Variants in SPMAP2L observed in about 807,000 individuals in gnomAD.
SPMAP2L encodes the protein sperm microtubule associated protein 2-like.
chr4:56,546,339 T>C, the SPMAP2L span, among the ~76,000 whole-genome samples: 1 of 152,206 alleles, frequency 6.6e-6, no homozygotes, highest in Non-Finnish European at 1.5e-5. Flanking sequence ...CCGGGAACTC[T>C]GATTCCAGAG....
the SPMAP2L span, among the ~76,000 whole-genome samples, chr4:56,570,962 C>T: frequency 6.6e-6 from 1 of 151,956 alleles, no homozygotes; most frequent in Non-Finnish European, 1.5e-5. Context: ...TGCTACCACA[C>T]CCCGTTAACT....
chr4:56,587,978 C>T, the SPMAP2L span, among the ~76,000 whole-genome samples: 1 of 152,164 alleles, frequency 6.6e-6, no homozygotes, highest in Non-Finnish European at 1.5e-5. Flanking sequence ...ACACCAACAT[C>T]TACTGTTTTC....
the SPMAP2L span, among the ~76,000 whole-genome samples, chr4:56,619,742 G>T: frequency 1.3e-5 from 2 of 152,156 alleles, no homozygotes; most frequent in Admixed American, 1.3e-4. Flanking sequence ...GAACTAAAAA[G>T]CTTCTGCAGA....
At chr4:56,603,913 C>CA in the SPMAP2L span, among the ~76,000 whole-genome samples, 1 of 152,312 alleles carries the variant, frequency 6.6e-6, no homozygotes, top group East Asian at 1.9e-4. Flanking sequence ...TTCCTTTACT[C>CA]ATGCCAGAGT....
chr4:56,599,359 G>T, the SPMAP2L span, among the ~76,000 whole-genome samples: 1 of 151,600 alleles, frequency 6.6e-6, no homozygotes, highest in African/African-American at 2.4e-5. Flanking sequence ...AATTTTTTTT[G>T]CTCAAAATTA....
At chr4:56,545,021 C>T in the SPMAP2L span, among the ~76,000 whole-genome samples, 1 of 152,226 alleles carries the variant, frequency 6.6e-6, no homozygotes, top group Non-Finnish European at 1.5e-5. Context: ...CCGCCCGGCG[C>T]AGCTGTGTCA....
the SPMAP2L span, chr4:56,530,612 C>G: frequency 6.7e-7 from 1 of 1,493,068 alleles, no homozygotes; most frequent in Non-Finnish European, 8.9e-7. Flanking sequence ...GCGCAGAGAG[C>G]AAACTGCGCC....
the SPMAP2L span, among the ~76,000 whole-genome samples, chr4:56,613,954 C>G: frequency 2.0e-5 from 3 of 152,282 alleles, no homozygotes; most frequent in South Asian, 6.2e-4. Context: ...GCTGGCTCCT[C>G]AAGGCACCAC....
chr4:56,595,013 T>C, the SPMAP2L span: 1 of 1,607,880 alleles, frequency 6.2e-7, no homozygotes, highest in Non-Finnish European at 8.5e-7. Flanking sequence ...CATCCCATCA[T>C]TTCACTAAAG....
chr4:56,545,749 C>A, the SPMAP2L span, among the ~76,000 whole-genome samples: 13 of 150,628 alleles, frequency 8.6e-5, no homozygotes, highest in Non-Finnish European at 1.9e-4. Flanking sequence ...CAGTTGGAAC[C>A]CTTAATAGTA....
At chr4:56,617,671 G>A in the SPMAP2L span, among the ~76,000 whole-genome samples, 2 of 152,028 alleles carry the variant, frequency 1.3e-5, no homozygotes, top group Admixed American at 6.5e-5. Context: ...AACATAGGCG[G>A]CTTGTGTTAA....
chr4:56,606,798 A>G, the SPMAP2L span, among the ~76,000 whole-genome samples: 2 of 152,204 alleles, frequency 1.3e-5, no homozygotes, highest in African/African-American at 2.4e-5. Context: ...GAAGTAATTT[A>G]AGCATGGGGT....
chr4:56,609,093 G>A, the SPMAP2L span, among the ~76,000 whole-genome samples: 104 of 142,474 alleles, frequency 7.3e-4, no homozygotes, highest in African/African-American at 2.3e-3. Context: ...TCTGTCACCC[G>A]GACTGGAGTG....
the SPMAP2L span, among the ~76,000 whole-genome samples, chr4:56,607,861 G>A: frequency 6.6e-6 from 1 of 152,016 alleles, no homozygotes; most frequent in East Asian, 1.9e-4. Flanking sequence ...GCCAAGCATG[G>A]TGGTGCTTGC....
chr4:56,594,109 G>A, the SPMAP2L span: 5 of 1,607,340 alleles, frequency 3.1e-6, no homozygotes, highest in South Asian at 1.1e-5. Flanking sequence ...TGGACGATTT[G>A]TTGCGGATCT....
At chr4:56,614,229 T>C in the SPMAP2L span, among the ~76,000 whole-genome samples, 1 of 152,206 alleles carries the variant, frequency 6.6e-6, no homozygotes, top group Non-Finnish European at 1.5e-5. Context: ...ACTTTCAGGA[T>C]AGTAACAATA....
the SPMAP2L span, among the ~76,000 whole-genome samples, chr4:56,598,157 C>T: frequency 1.3e-5 from 2 of 152,334 alleles, no homozygotes; most frequent in African/African-American, 4.8e-5. Flanking sequence ...GCCATCATGG[C>T]TAGCCCCACT....
At chr4:56,532,405 T>C in the SPMAP2L span, among the ~76,000 whole-genome samples, 1 of 151,676 alleles carries the variant, frequency 6.6e-6, no homozygotes, top group Non-Finnish European at 1.5e-5. Flanking sequence ...CCTTCACTTA[T>C]GCTTTAGATA....
chr4:56,590,711 T>C, the SPMAP2L span, among the ~76,000 whole-genome samples: 1 of 152,220 alleles, frequency 6.6e-6, no homozygotes, highest in Non-Finnish European at 1.5e-5. Flanking sequence ...CATACTATAA[T>C]TGACTAAGAA....
Sources: allele counts gnomAD v4.1 joint callset (sites outside exome capture counted in the v4.1 genomes callset), GRCh38; gene constraint gnomAD v4.1.1; transcripts MANE v1.5; gene names NCBI Gene and HGNC (gene_info 2026-07-23, HGNC 2026-07-21).